The following ZFP2 variants were observed in gnomAD, a reference collection of about 807,000 sequenced individuals.
The protein encoded by ZFP2 is zinc finger protein ZFP2.
Under a neutral mutation model 36.1 loss-of-function variants are expected in ZFP2, and 33 were observed. The observed-to-expected ratio is 0.92, with a 90% confidence interval of 0.69 to 1.22. The LOEUF is 1.22. Ranked by LOEUF, ZFP2 falls within the 50% of genes most tolerant of loss-of-function variation. The pLI, the probability that ZFP2 is intolerant of heterozygous loss-of-function variation, is 0.00. For synonymous variants in ZFP2, 170 were observed against 178.0 expected (o/e 0.96, Z 0.36); for missense variants, 522 against 551.4 (o/e 0.95, Z 0.53).
At chr5:178,927,666 TGTG>T (rs1561684993) in intron 4 of ZFP2, among the ~76,000 whole-genome samples, 3,285 of 106,098 alleles carry the variant, frequency 0.031, 57 homozygotes, top group African/African-American at 0.075. Flanking sequence ...CTGGCCAATG[TGTG>T]TGTGTGTGTG....
chr5:178,932,666 A>G lies in ZFP2; in HGVS notation c.1353A>G (p.Thr451=). 1.2e-6 allele frequency: 2 copies of G among 1,610,880 alleles called. No homozygotes were observed. Among genetic ancestry groups the G allele is most frequent in the South Asian group, 2.2e-5 (2 of 90,572 alleles). The change falls in exon 5 of 5, where the codon ACA becomes ACG. Residue 451 remains threonine, a synonymous_variant. Transcript: ENST00000361362. ...NECGKAFSRS[T]NLTRHQRTHT is the part of the protein sequence containing the mutation. ...GCGGAAAAGCCTTCAGCCGGAGTAC[A>G]AACCTTACACGACATCAAAGAACTC...
chr5:178,896,721 T>C (rs563821144), intron 1 of ZFP2, among the ~76,000 whole-genome samples: 38 of 152,336 alleles, frequency 2.5e-4, no homozygotes, highest in African/African-American at 8.7e-4. Context: ...TGTATAAGCA[T>C]AGAAACACTT....
intron 4 of ZFP2, 95 bp from the exon 5 acceptor site, chr5:178,931,142 T>C: frequency 7.6e-7 from 1 of 1,322,952 alleles, no homozygotes; most frequent in Non-Finnish European, 9.9e-7. Flanking sequence ...TTATTTTAGT[T>C]GATAGCTAGT....
intron 4 of ZFP2, chr5:178,922,779 G>A: frequency 6.7e-7 from 1 of 1,489,822 alleles, no homozygotes; most frequent in African/African-American, 1.4e-5. Context: ...GCAGAAATGT[G>A]TGTGGTCAAA....
intron 1 of ZFP2, chr5:178,910,079 A>G: frequency 6.8e-7 from 1 of 1,475,716 alleles, no homozygotes; most frequent in Non-Finnish European, 9.5e-7. Context: ...ACTGGTAGAG[A>G]TCCTTGAATT....
At chr5:178,927,892 C>G (rs1000894109) in intron 4 of ZFP2, among the ~76,000 whole-genome samples, 2 of 151,456 alleles carry the variant, frequency 1.3e-5, no homozygotes, top group African/African-American at 4.9e-5. Context: ...ACAGGCTGTA[C>G]GGGAAGCATT....
chr5:178,925,314 T>C (rs1401735099), intron 4 of ZFP2, among the ~76,000 whole-genome samples: 1 of 149,108 alleles, frequency 6.7e-6, no homozygotes, highest in Non-Finnish European at 1.5e-5. Context: ...TGGGCATTTG[T>C]GATGTTTCCA....
In ZFP2 at chr5:178,932,888, A is replaced by G; in HGVS notation, c.*189A>G. 1.4e-6 allele frequency: 1 copy of G among 731,992 alleles called. No homozygotes were observed. The highest frequency in any genetic ancestry group is 2.1e-6 in the Non-Finnish European group (1 of 475,914). 45.3% of individuals were successfully genotyped at this position (731,992 alleles called of 1,614,324 possible). ...AGAGAAATCTTGATTCAGAATGTAT[A>G]ATTTCCTTTATATCAGAAGGTTTAA... On this transcript the variant is annotated 3_prime_UTR_variant, in exon 5 of 5. Coordinates refer to ENST00000361362, the MANE Select transcript of ZFP2 (RefSeq NM_030613.4).
intron 1 of ZFP2, among the ~76,000 whole-genome samples, chr5:178,901,718 C>T (rs981241232): frequency 5.9e-5 from 9 of 151,958 alleles, no homozygotes; most frequent in Admixed American, 4.6e-4. Flanking sequence ...GGACACAGTT[C>T]ATAACACTAG....
At position 178,922,914 on chromosome 5, in the gene ZFP2, A is replaced by C. The variant is rs1017198373; in HGVS notation, c.-78+6204A>C. Among the ~76,000 whole-genome samples the C allele has an allele frequency of 2.0e-5, 3 of 147,884 alleles. 1 individual carries two copies. Among genetic ancestry groups the C allele is most frequent in the Admixed American group, 2.0e-4 (3 of 14,836 alleles). On this transcript the variant is annotated intron_variant, in intron 4 of 4. Coordinates refer to ENST00000361362, the MANE Select transcript of ZFP2 (RefSeq NM_030613.4). ...AGTTGAAATAAAGTATTTATAATAG[A>C]AAAAAAAATATTGAAAGCTATATAA...
At chr5:178,898,609 A>G (rs1581824820) in intron 1 of ZFP2, among the ~76,000 whole-genome samples, 1 of 151,986 alleles carries the variant, frequency 6.6e-6, no homozygotes, top group Non-Finnish European at 1.5e-5. Flanking sequence ...GTCCCTCCCC[A>G]AGGAAGAACC....
Position 178,916,572 on chromosome 5 carries a change from T to G in ZFP2, c.-216T>G. Reference sequence around the variant, plus strand: ...AGATCTTGTTCTTTCCAGATTTTCTTGGATATTGCTGTCAGATTAATCTGA... The same window carrying G: ...AGATCTTGTTCTTTCCAGATTTTCTGGGATATTGCTGTCAGATTAATCTGA... On this transcript the variant is annotated 5_prime_UTR_variant, in exon 4 of 5. Transcript: ENST00000361362. The G allele has an allele frequency of 1.0e-6, 1 of 985,436 alleles. No individual in the cohort carries two copies. Among genetic ancestry groups the G allele is most frequent in the Non-Finnish European group, 1.2e-6 (1 of 829,940 alleles). 61.0% of individuals were successfully genotyped at this position (985,436 alleles called of 1,614,324 possible).
chr5:178,932,035 C>A lies in ZFP2; in HGVS notation c.722C>A (p.Pro241His), dbSNP rs143860506. Residue 241 changes from proline to histidine, a missense_variant, in exon 5 of 5, where the codon CCC (proline) becomes CAC (histidine). Coordinates refer to ENST00000361362, the MANE Select transcript of ZFP2 (RefSeq NM_030613.4). ...VHQRTHTGEKPYECNECGKAF... is the reference protein window; with the variant it reads ...VHQRTHTGEKHYECNECGKAF... Reference sequence around the variant, plus strand: ...CAGAGAACTCATACAGGAGAAAAACCCTATGAATGTAATGAATGTGGAAAA... The same window carrying A: ...CAGAGAACTCATACAGGAGAAAAACACTATGAATGTAATGAATGTGGAAAA... The A allele has an allele frequency of 6.2e-7, 1 of 1,613,968 alleles. No individual in the cohort carries two copies. The highest frequency in any genetic ancestry group is 1.1e-5 in the South Asian group (1 of 91,052).
chr5:178,899,659 C>T (rs76955687), intron 1 of ZFP2, among the ~76,000 whole-genome samples: 12,167 of 152,070 alleles, frequency 0.08, 622 homozygotes, highest in Non-Finnish European at 0.11. Context: ...TCAAAACTTT[C>T]CTAGGAAAAA....
Position 178,931,485 on chromosome 5 carries a change from G to T in ZFP2, c.172G>T (p.Asp58Tyr). 1 of 1,614,116 alleles carries T rather than the reference G, an allele frequency of 6.2e-7. No individual in the cohort carries two copies. The highest frequency in any genetic ancestry group is 8.5e-7 in the Non-Finnish European group (1 of 1,180,022). Residue 58 changes from aspartate (D) to tyrosine (Y), a missense_variant, in exon 5 of 5, where the codon GAT becomes TAT. By Grantham distance (160) the Asp-to-Tyr change is radical (BLOSUM62 -3). Transcript: ENST00000361362. The part of the protein sequence containing the change: ...GNEFERCSSQ[D>Y]SILDTQQSIP... ...TGAATTTGAAAGATGTTCCAGTCAG[G>T]ATTCAATCCTTGATACACAGCAAAG...
intron 1 of ZFP2, among the ~76,000 whole-genome samples, chr5:178,896,517 C>G (rs80098171): frequency 2.6e-5 from 4 of 152,148 alleles, no homozygotes; most frequent in Admixed American, 2.6e-4. Context: ...CCCTCTGGAT[C>G]TCATTCCGAG....
intron 1 of ZFP2, among the ~76,000 whole-genome samples, chr5:178,901,196 T>G (rs1460782818): frequency 6.6e-6 from 1 of 152,222 alleles, no homozygotes; most frequent in East Asian, 1.9e-4. Flanking sequence ...CTAGGTCAAG[T>G]GTACATTTGA....
At chr5:178,912,155 AAAG>A (rs538101496) in intron 1 of ZFP2, among the ~76,000 whole-genome samples, 39 of 151,948 alleles carry the variant, frequency 2.6e-4, no homozygotes, top group African/African-American at 8.5e-4. Flanking sequence ...AAGAGAAAGA[AAAG>A]AAAAGAAAAG....
intron 4 of ZFP2, among the ~76,000 whole-genome samples, chr5:178,924,300 G>A (rs527555532): frequency 6.8e-6 from 1 of 146,532 alleles, no homozygotes; most frequent in Admixed American, 6.8e-5. Context: ...GTGAACCCAG[G>A]AGGTGGAGCT....
Sources: allele counts gnomAD v4.1 joint callset (sites outside exome capture counted in the v4.1 genomes callset), GRCh38; gene constraint gnomAD v4.1.1; transcripts MANE v1.5; gene names NCBI Gene and HGNC (gene_info 2026-07-23, HGNC 2026-07-21).